The following GABBR2 variants were observed in gnomAD, a reference collection of about 807,000 sequenced individuals.
GABBR2 encodes G-protein coupled receptor 51.
A neutral mutation model predicts 105.6 loss-of-function variants in GABBR2; 23 were observed. The ratio of observed to expected loss-of-function variants is 0.22; its 90% CI spans 0.16 to 0.31. GABBR2 has a LOEUF of 0.31. Among genes scored for constraint, GABBR2 ranks in the 10% least tolerant of loss-of-function variants. The pLI, the probability that GABBR2 is intolerant of heterozygous loss-of-function variation, is 1.00. For missense variants in GABBR2, 734 were observed against 1,245.5 expected, an observed-to-expected ratio of 0.59 and a Z score of 6.18; for synonymous variants, 478 against 499.7, an observed-to-expected ratio of 0.96 and a Z score of 0.58.
At chr9:98,507,273 C>T (rs889801059) in intron 3 of GABBR2, among the ~76,000 whole-genome samples, 1 of 152,114 alleles carries the variant, frequency 6.6e-6, no homozygotes, top group Non-Finnish European at 1.5e-5. Flanking sequence ...GATGGAGCAA[C>T]CATCTGGGAT....
rs971938615 is a variant in GABBR2, at chr9:98,306,694, G to A, written c.2005-349C>T. The A allele has an allele frequency of 2.2e-5, 7 of 320,078 alleles. No individual in the cohort carries two copies. Among genetic ancestry groups the A allele is most frequent in the East Asian group, 7.4e-5 (1 of 13,510 alleles). The allele number at this position is 320,078 out of a possible 1,614,324, so 19.8% of individuals were successfully genotyped here. On this transcript the variant is annotated intron_variant, in intron 14 of 18. Coordinates refer to ENST00000259455, the MANE Select transcript of GABBR2 (RefSeq NM_005458.8). This position sits in a 1 kb window ranked among gnomAD's most constrained non-coding sequence, Gnocchi z 5.4. The stretch of plus-strand genomic sequence containing the variant: ...CTCTAGGGAATACTAATATCCAGAA[G>A]GGTGAAGAGGTCTGCCCAAGGCCGC...
chr9:98,683,731 C>A (rs1314570745), intron 1 of GABBR2, among the ~76,000 whole-genome samples: 1 of 151,744 alleles, frequency 6.6e-6, no homozygotes, highest in Non-Finnish European at 1.5e-5. Context: ...TAATCCAGGC[C>A]GGGTGCGGTG....
intron 13 of GABBR2, among the ~76,000 whole-genome samples, chr9:98,316,213 G>A (rs923718934): frequency 2.0e-5 from 3 of 151,822 alleles, no homozygotes; most frequent in East Asian, 3.9e-4. Flanking sequence ...GTGCAATGGC[G>A]CAATCTCAGC....
chr9:98,446,594 C>A (rs1007457249), intron 7 of GABBR2, among the ~76,000 whole-genome samples: 5 of 152,080 alleles, frequency 3.3e-5, no homozygotes, highest in Admixed American at 6.6e-5. Flanking sequence ...CAAATCAGCT[C>A]CTATGTTAAG....
At chr9:98,682,521 G>T (rs900074654) in intron 1 of GABBR2, among the ~76,000 whole-genome samples, 1 of 151,560 alleles carries the variant, frequency 6.6e-6, no homozygotes, top group African/African-American at 2.4e-5. Flanking sequence ...GACTACAGGC[G>T]CCAGCCACCA....
At chr9:98,347,439 T>C (rs1264952325) in intron 13 of GABBR2, among the ~76,000 whole-genome samples, 1 of 152,184 alleles carries the variant, frequency 6.6e-6, no homozygotes, top group East Asian at 1.9e-4. Context: ...TTCATTTTTT[T>C]CCTGTTGAGT....
chr9:98,467,656 G>A (rs1588177058), intron 6 of GABBR2, among the ~76,000 whole-genome samples: 3 of 152,222 alleles, frequency 2.0e-5, no homozygotes, highest in African/African-American at 7.2e-5. Context: ...TAAGTGGAAG[G>A]ATCACTAGAT....
chr9:98,680,270 C>A (rs1830526662), intron 1 of GABBR2, among the ~76,000 whole-genome samples: 6 of 152,078 alleles, frequency 3.9e-5, no homozygotes. Flanking sequence ...CAAATTCCAA[C>A]CAAAATACTA....
intron 18 of GABBR2, among the ~76,000 whole-genome samples, chr9:98,291,925 A>G (rs1309652136): frequency 2.0e-5 from 3 of 152,240 alleles, no homozygotes; most frequent in Non-Finnish European, 2.9e-5. Flanking sequence ...GCTGGAGGCA[A>G]GATGGAGCTG....
intron 1 of GABBR2, among the ~76,000 whole-genome samples, chr9:98,579,533 C>T (rs1411275129): frequency 1.3e-5 from 2 of 152,198 alleles, no homozygotes; most frequent in African/African-American, 4.8e-5. Flanking sequence ...GGTCCTTTGT[C>T]AAACATCAAT....
intron 1 of GABBR2, among the ~76,000 whole-genome samples, chr9:98,588,639 A>G (rs775405565): frequency 2.2e-4 from 33 of 152,250 alleles, no homozygotes; most frequent in Non-Finnish European, 4.1e-4. Context: ...TGAGGGGCAG[A>G]GTTGGGAGTC....
intron 8 of GABBR2, among the ~76,000 whole-genome samples, chr9:98,397,437 T>C (rs922986291): frequency 6.6e-6 from 1 of 152,028 alleles, no homozygotes; most frequent in African/African-American, 2.4e-5. Flanking sequence ...CAATTTCAGA[T>C]CTTGCATGAC....
chr9:98,594,125 G>C (rs1304659607), intron 1 of GABBR2, among the ~76,000 whole-genome samples: 1 of 152,204 alleles, frequency 6.6e-6, no homozygotes, highest in Non-Finnish European at 1.5e-5. Flanking sequence ...CCCACACTTG[G>C]AGGTTGTAAG....
chr9:98,566,190 C>A (rs2131767778), intron 2 of GABBR2, among the ~76,000 whole-genome samples: 1 of 152,308 alleles, frequency 6.6e-6, no homozygotes, highest in Admixed American at 6.5e-5. Context: ...CTTCCTGGGG[C>A]ACTCTCAATC....
At chr9:98,346,613 T>G (rs779344213) in intron 13 of GABBR2, among the ~76,000 whole-genome samples, 2 of 152,228 alleles carry the variant, frequency 1.3e-5, no homozygotes, top group African/African-American at 2.4e-5. Context: ...TGTGAAAATA[T>G]ATAATAAATT....
chr9:98,692,033 C>T (rs779918724), intron 1 of GABBR2, among the ~76,000 whole-genome samples: 14 of 152,152 alleles, frequency 9.2e-5, no homozygotes, highest in Non-Finnish European at 1.5e-4. Flanking sequence ...TTTTGGTAGC[C>T]GTCCTGTGAA....
intron 13 of GABBR2, among the ~76,000 whole-genome samples, chr9:98,331,951 G>A (rs993323925): frequency 6.6e-6 from 1 of 152,238 alleles, no homozygotes; most frequent in African/African-American, 2.4e-5. Flanking sequence ...GTAGCAAAGA[G>A]CCTTGATCAC....
chr9:98,690,712 G>A (rs1391762127), intron 1 of GABBR2, among the ~76,000 whole-genome samples: 1 of 152,154 alleles, frequency 6.6e-6, no homozygotes, highest in African/African-American at 2.4e-5. Flanking sequence ...CCAAACCCAG[G>A]ACTTAGCCCA....
At chr9:98,511,440 T>C (rs75101854) in intron 3 of GABBR2, among the ~76,000 whole-genome samples, 40,969 of 130,810 alleles carry the variant, frequency 0.31, 6,489 homozygotes, top group Middle Eastern at 0.47. Flanking sequence ...ACACAAAAAA[T>C]CCTTCAAAAA....
Sources: gnomAD v4.1 joint callset for allele counts (sites outside exome capture counted in the v4.1 genomes callset) on GRCh38, gnomAD v4.1.1 for gene constraint, Gnocchi (gnomAD v3.1) non-coding constraint, MANE v1.5 for transcripts, NCBI Gene and HGNC (gene_info 2026-07-23, HGNC 2026-07-21) for gene names.